TMEM161B: variants seen among roughly 807,000 people sequenced by gnomAD.
TMEM161B encodes the protein transmembrane protein 161B.
Under a neutral mutation model 61.8 loss-of-function variants are expected in TMEM161B, and 34 were observed. The observed-to-expected ratio is 0.55, with a 90% CI of 0.42 to 0.73. The LOEUF is 0.73. TMEM161B is among the 30% of genes least tolerant of loss of function. TMEM161B has a pLI of 0.00. For missense variants in TMEM161B, 456 were observed against 558.5 expected, an observed-to-expected ratio of 0.82 and a Z score of 1.85; for synonymous variants, 167 against 192.8, an observed-to-expected ratio of 0.87 and a Z score of 1.11.
At chr5:88,248,573 G>T (rs1291806924) in intron 1 of TMEM161B, among the ~76,000 whole-genome samples, 1 of 151,978 alleles carries the variant, frequency 6.6e-6, no homozygotes, top group African/African-American at 2.4e-5. Context: ...GGAAAACAGA[G>T]ATTTCTTCCA....
At chr5:88,221,005 G>T (rs1748868684) in intron 4 of TMEM161B, among the ~76,000 whole-genome samples, 1 of 152,064 alleles carries the variant, frequency 6.6e-6, no homozygotes, top group Non-Finnish European at 1.5e-5. Flanking sequence ...AAATTTACTG[G>T]TATTGTCTTA....
chr5:88,239,487 A>C (rs1752392087), intron 2 of TMEM161B, among the ~76,000 whole-genome samples: 1 of 151,984 alleles, frequency 6.6e-6, no homozygotes, highest in African/African-American at 2.4e-5. Context: ...TAAATCAGTA[A>C]ACAAGATTGC....
intron 8 of TMEM161B, among the ~76,000 whole-genome samples, chr5:88,203,726 A>G (rs1272463445): frequency 1.7e-5 from 2 of 118,520 alleles, no homozygotes; most frequent in Admixed American, 8.9e-5. Context: ...ATGAGTATGA[A>G]CACACTTGAA....
chr5:88,260,773 C>T (rs1435557722), intron 1 of TMEM161B, among the ~76,000 whole-genome samples: 6 of 152,142 alleles, frequency 3.9e-5, no homozygotes, highest in Non-Finnish European at 8.8e-5. Flanking sequence ...AGCATACAAG[C>T]ACATCGATTT....
At chr5:88,211,863 A>C (rs1746867457) in intron 5 of TMEM161B, among the ~76,000 whole-genome samples, 1 of 152,166 alleles carries the variant, frequency 6.6e-6, no homozygotes, top group Admixed American at 6.5e-5. Context: ...AGAGAAAGAA[A>C]ATGGGAGTGG....
intron 1 of TMEM161B, among the ~76,000 whole-genome samples, chr5:88,252,246 A>G (rs1754435609): frequency 6.6e-6 from 1 of 152,160 alleles, no homozygotes; most frequent in Admixed American, 6.6e-5. Flanking sequence ...CGCCTACCTC[A>G]ACCAAAGCAA....
chr5:88,230,616 C>A (rs2112592457), intron 2 of TMEM161B, among the ~76,000 whole-genome samples: 1 of 152,280 alleles, frequency 6.6e-6, no homozygotes, highest in Admixed American at 6.5e-5. Flanking sequence ...GTGACATTTT[C>A]TTCCTCACAA....
At position 88,196,256 on chromosome 5, in the gene TMEM161B, T is replaced by C. The variant is rs1203220020; in HGVS notation, c.1419A>G (p.Thr473=). Residue 473 remains threonine (T), a synonymous_variant, in exon 12 of 12, where the codon ACA becomes ACG. Coordinates refer to ENST00000296595, the MANE Select transcript of TMEM161B (RefSeq NM_153354.5). ...TWWIAACLFS[T]SLFGLFYHQY... ...GGTGATAGAAAAGCCCAAAAAGGCTTGTAGAAAAGAGGCAAGCAGCAATCC... is the reference window on the plus strand; with the variant it reads ...GGTGATAGAAAAGCCCAAAAAGGCTCGTAGAAAAGAGGCAAGCAGCAATCC... The C allele has an allele frequency of 6.2e-7, 1 of 1,612,874 alleles. No homozygotes were observed. Among genetic ancestry groups the C allele is most frequent in the East Asian group, 2.2e-5 (1 of 44,836 alleles).
intron 1 of TMEM161B, among the ~76,000 whole-genome samples, chr5:88,249,889 G>A (rs1482463384): frequency 6.6e-6 from 1 of 152,044 alleles, no homozygotes; most frequent in Non-Finnish European, 1.5e-5. Context: ...AAGCTCCAAG[G>A]ACACAGAAGA....
chr5:88,251,532 A>G (rs538594379), intron 1 of TMEM161B, among the ~76,000 whole-genome samples: 1 of 152,302 alleles, frequency 6.6e-6, no homozygotes, highest in African/African-American at 2.4e-5. Flanking sequence ...AAGTTAAACT[A>G]TAAAATAAAT....
intron 1 of TMEM161B, among the ~76,000 whole-genome samples, chr5:88,263,547 G>A (rs1260541734): frequency 6.6e-6 from 1 of 152,120 alleles, no homozygotes; most frequent in Admixed American, 6.5e-5. Context: ...AGAGTAAGTG[G>A]TATACAAAGA....
At chr5:88,257,056 G>A (rs184440048) in intron 1 of TMEM161B, among the ~76,000 whole-genome samples, 67 of 152,212 alleles carry the variant, frequency 4.4e-4, no homozygotes, top group African/African-American at 1.6e-3. Context: ...ATCACTCAAG[G>A]TCAGGAATTC....
At chr5:88,229,422 G>A (rs1378958687) in intron 2 of TMEM161B, among the ~76,000 whole-genome samples, 1 of 151,148 alleles carries the variant, frequency 6.6e-6, no homozygotes, top group African/African-American at 2.4e-5. Flanking sequence ...TCTCTCACTG[G>A]TATCCTCCCT....
At chr5:88,237,274 T>G (rs906422336) in intron 2 of TMEM161B, among the ~76,000 whole-genome samples, 3 of 152,140 alleles carry the variant, frequency 2.0e-5, no homozygotes, top group African/African-American at 4.8e-5. Context: ...CTATGTAATG[T>G]GGGCAAAAAT....
rs148936621 is a variant in TMEM161B at position 88,219,821 on chromosome 5, G to A, written c.446+742C>T. Among the ~76,000 whole-genome samples, 721 of 152,192 alleles carry A rather than the reference G, an allele frequency of 4.7e-3. 14 individuals carry two copies. The highest frequency in any genetic ancestry group is 0.041 in the Middle Eastern group (12 of 294). On this transcript the variant is annotated intron_variant, in intron 5 of 11. Transcript: ENST00000296595. ...CACCCTTTCTAAGGACACCATAGGA[G>A]AATGTACTCTGCACTCTGCAAAAAA... is the stretch of plus-strand genomic sequence containing the variant.
intron 5 of TMEM161B, among the ~76,000 whole-genome samples, chr5:88,212,787 A>C (rs1466191188): frequency 6.6e-6 from 1 of 152,210 alleles, no homozygotes. Context: ...CAAGACCATG[A>C]CTTCACTCCA....
chr5:88,216,581 A>C (rs1747882782), intron 5 of TMEM161B, among the ~76,000 whole-genome samples: 5 of 152,158 alleles, frequency 3.3e-5, no homozygotes, highest in Admixed American at 2.0e-4. Flanking sequence ...GAGGATATTG[A>C]CTCTTAAGAC....
chr5:88,264,269 C>G (rs780334740), intron 1 of TMEM161B, among the ~76,000 whole-genome samples: 1 of 151,802 alleles, frequency 6.6e-6, no homozygotes, highest in Non-Finnish European at 1.5e-5. Context: ...AAAAAGTAGG[C>G]GAAGGATATG....
Position 88,234,649 on chromosome 5 carries a change from T to C in TMEM161B, c.108-6121A>G, listed in dbSNP as rs150036099. ...CTGCACTATGCTTGCCTTTCTAATATGGGCTTGGAAGACAGATACAGATAT... is the reference window on the plus strand; with the variant it reads ...CTGCACTATGCTTGCCTTTCTAATACGGGCTTGGAAGACAGATACAGATAT... On this transcript the variant is annotated intron_variant, in intron 2 of 11. Coordinates refer to ENST00000296595, the MANE Select transcript of TMEM161B (RefSeq NM_153354.5). Among the ~76,000 whole-genome samples the C allele has an allele frequency of 5.3e-4, 80 of 152,290 alleles. No individual in the cohort carries two copies. In the East Asian group the frequency reaches 0.015, roughly 28 times the overall value.
Sources: allele counts gnomAD v4.1 joint callset (sites outside exome capture counted in the v4.1 genomes callset), GRCh38; gene constraint gnomAD v4.1.1; transcripts MANE v1.5; gene names NCBI Gene and HGNC (gene_info 2026-07-23, HGNC 2026-07-21).